Variants in ORC5 observed in about 807,000 individuals in gnomAD.
ORC5 encodes origin recognition complex subunit 5.
In ORC5, 39 loss-of-function variants were observed where a neutral mutation model predicts 58.8. The ratio of observed to expected loss-of-function variants is 0.66; its 90% CI spans 0.51 to 0.87. ORC5 has a LOEUF of 0.87. Among genes scored for constraint, ORC5 ranks in the 40% least tolerant of loss-of-function variants. The probability of loss-of-function intolerance (pLI) is 0.00; values close to 1 mark genes in which losing one functional copy is unlikely to be tolerated. For missense variants in ORC5, 493 were observed against 506.3 expected, an observed-to-expected ratio of 0.97 and a Z score of 0.25; for synonymous variants, 218 against 177.6, an observed-to-expected ratio of 1.23 and a Z score of -1.81.
intron 9 of ORC5, among the ~76,000 whole-genome samples, chr7:104,167,447 G>T (rs1001352362): frequency 2.6e-5 from 4 of 152,140 alleles, no homozygotes; most frequent in Non-Finnish European, 5.9e-5. Context: ...TTTCTATTTG[G>T]AAGTTTTGGA....
At position 104,205,086 on chromosome 7, in the gene ORC5, C is replaced by CTTTTTTTTTTTT. The variant is rs10672012; in HGVS notation, c.73-864_73-853dup. ...GAAAACTTGATTTTTTAATAATACT[C>CTTTTTTTTTTTT]TTTTTTTTTTTTTTTTTTTTTGAGA... On this transcript the variant is annotated intron_variant, in intron 1 of 13. Coordinates refer to ENST00000297431, the MANE Select transcript of ORC5 (RefSeq NM_002553.4). Among the ~76,000 whole-genome samples the CTTTTTTTTTTTT allele has an allele frequency of 1.6e-3, 160 of 99,434 alleles. 7 individuals carry two copies. Among genetic ancestry groups the CTTTTTTTTTTTT allele is most frequent in the African/African-American group, 4.9e-3 (133 of 26,908 alleles). 65.2% of individuals were successfully genotyped at this position (99,434 alleles called of 152,430 possible). A position where few individuals can be genotyped will look rare whatever the true frequency, so the allele number is the denominator to read the frequency against.
At chr7:104,148,608 A>T (rs79312405) in intron 12 of ORC5, among the ~76,000 whole-genome samples, 2 of 152,212 alleles carry the variant, frequency 1.3e-5, no homozygotes. Context: ...GAATTGTTAG[A>T]TGTATGAGTT....
chr7:104,154,084 A>T (rs895694156), intron 12 of ORC5, among the ~76,000 whole-genome samples: 1 of 152,108 alleles, frequency 6.6e-6, no homozygotes, highest in East Asian at 1.9e-4. Context: ...ATAATTTTCC[A>T]TTATGAAGTA....
chr7:104,182,772 G>A (rs1027650789), intron 8 of ORC5, among the ~76,000 whole-genome samples: 1 of 152,130 alleles, frequency 6.6e-6, no homozygotes, highest in African/African-American at 2.4e-5. Flanking sequence ...TATACAAACT[G>A]AGATTGTCAT....
intron 5 of ORC5, among the ~76,000 whole-genome samples, chr7:104,188,817 A>C (rs1209797571): frequency 6.6e-6 from 1 of 151,954 alleles, no homozygotes; most frequent in Non-Finnish European, 1.5e-5. Flanking sequence ...ACTTCCCCCT[A>C]GCTGTTCTTG....
intron 12 of ORC5, among the ~76,000 whole-genome samples, chr7:104,156,381 A>C (rs1338662683): frequency 6.6e-6 from 1 of 151,832 alleles, no homozygotes; most frequent in Non-Finnish European, 1.5e-5. Flanking sequence ...AATTCAATAG[A>C]GAATGAAGAA....
chr7:104,188,528 CA>C (rs1799600803), intron 5 of ORC5, 147 bp from the exon 6 acceptor site: 2 of 554,352 alleles, frequency 3.6e-6, no homozygotes, highest in East Asian at 2.8e-5. Flanking sequence ...GATTAGAATA[CA>C]AAAGTGTGAT....
At chr7:104,142,309 A>C (rs1300317592) in intron 12 of ORC5, among the ~76,000 whole-genome samples, 1 of 152,144 alleles carries the variant, frequency 6.6e-6, no homozygotes, top group East Asian at 1.9e-4. Flanking sequence ...TAGGGAAAAA[A>C]ACTCCCTGAT....
intron 12 of ORC5, among the ~76,000 whole-genome samples, chr7:104,160,647 T>A (rs1380966591): frequency 6.6e-6 from 1 of 152,126 alleles, no homozygotes; most frequent in Non-Finnish European, 1.5e-5. Flanking sequence ...CAGCATTTTT[T>A]AATAAAAGCA....
chr7:104,197,273 T>TA (rs1799822611), intron 4 of ORC5, among the ~76,000 whole-genome samples: 1 of 152,236 alleles, frequency 6.6e-6, no homozygotes, highest in Non-Finnish European at 1.5e-5. Flanking sequence ...GGACTTACTG[T>TA]ACTTTGTGAA....
At chr7:104,146,790 T>C (rs1003337218) in intron 12 of ORC5, among the ~76,000 whole-genome samples, 1 of 152,086 alleles carries the variant, frequency 6.6e-6, no homozygotes, top group Non-Finnish European at 1.5e-5. Context: ...TATATAGACA[T>C]ACACAAAAGA....
intron 5 of ORC5, among the ~76,000 whole-genome samples, chr7:104,189,053 T>C (rs1799614324): frequency 6.6e-6 from 1 of 152,108 alleles, no homozygotes; most frequent in African/African-American, 2.4e-5. Context: ...GTCTCAGGTA[T>C]GTTTATAGCA....
chr7:104,192,134 TGAG>T (rs1007787921), intron 5 of ORC5, among the ~76,000 whole-genome samples: 1 of 152,066 alleles, frequency 6.6e-6, no homozygotes, highest in African/African-American at 2.4e-5. Flanking sequence ...CCTACTGAGT[TGAG>T]GAGACAGAGA....
intron 8 of ORC5, among the ~76,000 whole-genome samples, chr7:104,170,785 G>GC (rs1460440291): frequency 6.6e-6 from 1 of 152,194 alleles, no homozygotes; most frequent in Non-Finnish European, 1.5e-5. Flanking sequence ...CGTTTTCTTG[G>GC]ATTATAATTT....
At chr7:104,151,036 C>T (rs1378048120) in intron 12 of ORC5, among the ~76,000 whole-genome samples, 1 of 151,948 alleles carries the variant, frequency 6.6e-6, no homozygotes, top group East Asian at 1.9e-4. Flanking sequence ...AAAGTACATG[C>T]AACAATATAA....
rs1799146523 is a variant in ORC5, at chr7:104,168,511, T to G, written c.839A>C (p.Lys280Thr). ...LREISSSQWE[K>T]LQKDDTDPGQ... ...CGGATCTGTGTCATCTTTCTGTAGC[T>G]TTTCCCACTGGGAACTGAAAAAAAA... Residue 280 changes from lysine to threonine, a missense_variant, in exon 9 of 14, where the codon AAG becomes ACG. Lys to Thr is a moderately conservative substitution (Grantham distance 78). Coordinates refer to ENST00000297431, the MANE Select transcript of ORC5 (RefSeq NM_002553.4). The G allele has an allele frequency of 6.4e-7, 1 of 1,572,054 alleles. No homozygotes were observed.
intron 12 of ORC5, among the ~76,000 whole-genome samples, chr7:104,145,913 T>C (rs1312105475): frequency 6.6e-6 from 1 of 152,154 alleles, no homozygotes; most frequent in East Asian, 1.9e-4. Flanking sequence ...TGACGAAAGA[T>C]CTGGCAATTC....
chr7:104,127,885 T>A (rs1798454004), intron 13 of ORC5, among the ~76,000 whole-genome samples: 1 of 152,216 alleles, frequency 6.6e-6, no homozygotes, highest in Non-Finnish European at 1.5e-5. Flanking sequence ...TGGTACCTAA[T>A]GTTGGACTGA....
intron 2 of ORC5, among the ~76,000 whole-genome samples, chr7:104,201,727 A>C (rs1799948350): frequency 7.1e-6 from 1 of 140,678 alleles, no homozygotes; most frequent in African/African-American, 2.6e-5. Flanking sequence ...TCCTTGAATA[A>C]ACGTTTACTA....
Sources: gnomAD v4.1 joint callset for allele counts (sites outside exome capture counted in the v4.1 genomes callset) on GRCh38, gnomAD v4.1.1 for gene constraint, MANE v1.5 for transcripts, NCBI Gene and HGNC (gene_info 2026-07-23, HGNC 2026-07-21) for gene names.